ELMO1: variants seen among roughly 807,000 people sequenced by gnomAD.
The protein encoded by ELMO1 is engulfment and cell motility protein 1.
In ELMO1, 26 loss-of-function variants were observed where a neutral mutation model predicts 98.9. The observed-to-expected ratio is 0.26, with a 90% CI of 0.19 to 0.36. ELMO1 has a LOEUF of 0.36. Among genes scored for constraint, ELMO1 ranks in the 10% least tolerant of loss-of-function variants. ELMO1 has a pLI of 1.00. For synonymous variants in ELMO1, 346 were observed against 346.0 expected (o/e 1.00, Z 0.00); for missense variants, 627 against 935.2 (o/e 0.67, Z 4.30).
At chr7:37,172,093 A>G (rs954800785) in intron 13 of ELMO1, among the ~76,000 whole-genome samples, 11 of 152,248 alleles carry the variant, frequency 7.2e-5, no homozygotes, top group Non-Finnish European at 1.3e-4. Flanking sequence ...AGAGCCTCCA[A>G]TGACTATCCT....
At chr7:36,968,960 A>AT in intron 16 of ELMO1, among the ~76,000 whole-genome samples, 1 of 152,160 alleles carries the variant, frequency 6.6e-6, no homozygotes, top group East Asian at 1.9e-4. Flanking sequence ...CACTGTCATC[A>AT]TTTTTGTAAT....
intron 1 of ELMO1, among the ~76,000 whole-genome samples, chr7:37,355,139 G>A (rs1320961166): frequency 1.3e-5 from 2 of 152,174 alleles, no homozygotes. Context: ...TTTTATGAGG[G>A]CTCTGGGGTC....
chr7:36,905,160 G>A (rs186548954), intron 16 of ELMO1, among the ~76,000 whole-genome samples: 1 of 152,330 alleles, frequency 6.6e-6, no homozygotes, highest in East Asian at 1.9e-4. Flanking sequence ...CAACAGGATT[G>A]GGAGAAAATG....
chr7:37,122,557 T>C (rs949917719), intron 14 of ELMO1, among the ~76,000 whole-genome samples: 19 of 152,192 alleles, frequency 1.2e-4, no homozygotes, highest in South Asian at 1.0e-3. Context: ...TACACAATGG[T>C]AAAGGGATCA....
rs187707333 is a variant in ELMO1 at position 36,865,360 on chromosome 7, T to C, written c.1906-3624A>G. ...ACTATAGCTTATTGCTGTCCAGATA[T>C]CTAAGAATTTGAGTTTCTATTTTAG... On this transcript the variant is annotated intron_variant, in intron 20 of 21. Transcript: ENST00000310758. Among the ~76,000 whole-genome samples, 47 of 152,348 alleles carry C rather than the reference T, an allele frequency of 3.1e-4. 1 individual carries two copies. The highest frequency in any genetic ancestry group is 3.0e-3 in the Admixed American group (46 of 15,302).
chr7:37,417,496 TA>T (rs527751936), intron 1 of ELMO1, among the ~76,000 whole-genome samples: 110 of 152,168 alleles, frequency 7.2e-4, no homozygotes, highest in African/African-American at 2.6e-3. Flanking sequence ...CTGCCTCTAC[TA>T]AAAATACAAA....
intron 5 of ELMO1, 177 bp downstream of exon 5, chr7:37,271,655 G>T: frequency 1.6e-6 from 1 of 630,022 alleles, no homozygotes; most frequent in Non-Finnish European, 2.7e-6. Context: ...TTCCTCCTCT[G>T]CAGTGGGAAA....
At chr7:37,274,616 G>A (rs1796727441) in intron 4 of ELMO1, among the ~76,000 whole-genome samples, 4 of 152,258 alleles carry the variant, frequency 2.6e-5, no homozygotes, top group Non-Finnish European at 1.5e-5. Context: ...GCAGTGGCAC[G>A]ATCTGGGCTC....
At position 36,899,684 on chromosome 7, in the gene ELMO1, C is replaced by CTTTTTTTTTTTTTTTTTTTTTTTTT. The variant is rs10522661; in HGVS notation, c.1438-4668_1438-4667insAAAAAAAAAAAAAAAAAAAAAAAAA. Among the ~76,000 whole-genome samples, 447 of 63,644 alleles carry CTTTTTTTTTTTTTTTTTTTTTTTTT rather than the reference C, an allele frequency of 7.0e-3. 150 individuals are homozygous for CTTTTTTTTTTTTTTTTTTTTTTTTT. Among genetic ancestry groups the CTTTTTTTTTTTTTTTTTTTTTTTTT allele is most frequent in the South Asian group, 0.01 (13 of 1,292 alleles). 41.8% of individuals were successfully genotyped at this position (63,644 alleles called of 152,430 possible). On this transcript the variant is annotated intron_variant, in intron 16 of 21. Coordinates refer to ENST00000310758, the MANE Select transcript of ELMO1 (RefSeq NM_014800.11). Reference sequence around the variant, plus strand: ...ACTCATTTTTACTATCTTTACTCATCTTTTTTTTTTTTTTTTACCACTCCT... The same window carrying CTTTTTTTTTTTTTTTTTTTTTTTTT: ...ACTCATTTTTACTATCTTTACTCATCTTTTTTTTTTTTTTTTTTTTTTTTTTTTTTTTTTTTTTTTTACCACTCCT...
intron 16 of ELMO1, among the ~76,000 whole-genome samples, chr7:36,913,627 A>G (rs375878152): frequency 2.0e-5 from 3 of 152,364 alleles, no homozygotes; most frequent in African/African-American, 7.2e-5. Context: ...CAAAGCCTGA[A>G]CATGTGTTCT....
intron 9 of ELMO1, among the ~76,000 whole-genome samples, chr7:37,223,792 T>A (rs1793723323): frequency 6.6e-6 from 1 of 152,206 alleles, no homozygotes; most frequent in South Asian, 2.1e-4. Context: ...GTGACTTAAA[T>A]TTTAAATGTT....
At chr7:37,174,656 T>C (rs552099747) in intron 13 of ELMO1, among the ~76,000 whole-genome samples, 2 of 152,274 alleles carry the variant, frequency 1.3e-5, no homozygotes, top group African/African-American at 4.8e-5. Flanking sequence ...CTAGGTCCCA[T>C]GGGTACAACA....
intron 13 of ELMO1, among the ~76,000 whole-genome samples, chr7:37,194,691 C>T (rs1405199874): frequency 1.3e-5 from 2 of 152,192 alleles, no homozygotes; most frequent in South Asian, 4.1e-4. Context: ...ACCCACGCTC[C>T]TCCTCCTCCC....
intron 13 of ELMO1, among the ~76,000 whole-genome samples, chr7:37,186,731 G>C (rs780519029): frequency 6.6e-5 from 10 of 152,246 alleles, no homozygotes; most frequent in Middle Eastern, 6.8e-3. Context: ...TTAGCCATCT[G>C]GTAAATGCAA....
At chr7:37,255,739 C>A (rs190842550) in intron 6 of ELMO1, among the ~76,000 whole-genome samples, 1 of 152,314 alleles carries the variant, frequency 6.6e-6, no homozygotes, top group African/African-American at 2.4e-5. Context: ...TGTGGCAGAA[C>A]CAACTCATAT....
At chr7:37,345,761 A>G (rs11767350) in intron 1 of ELMO1, among the ~76,000 whole-genome samples, 56,348 of 151,548 alleles carry the variant, frequency 0.37, 10,836 homozygotes, top group Non-Finnish European at 0.42. Flanking sequence ...AGGCCGAGGC[A>G]GGCAGATCAC....
intron 15 of ELMO1, among the ~76,000 whole-genome samples, chr7:37,049,246 A>T (rs1430949319): frequency 6.6e-6 from 1 of 152,106 alleles, no homozygotes; most frequent in Non-Finnish European, 1.5e-5. Flanking sequence ...GCAACCGAGC[A>T]GGGACAGTGC....
chr7:37,261,585 G>A (rs1309373369), intron 5 of ELMO1, among the ~76,000 whole-genome samples: 1 of 152,078 alleles, frequency 6.6e-6, no homozygotes, highest in Non-Finnish European at 1.5e-5. Flanking sequence ...GATAGAATGA[G>A]CAGCTCTGAT....
chr7:36,878,559 G>C (rs1272568051), intron 18 of ELMO1, among the ~76,000 whole-genome samples: 2 of 152,162 alleles, frequency 1.3e-5, no homozygotes, highest in Non-Finnish European at 2.9e-5. Context: ...TTGTGTCCAA[G>C]GCCAGATTTT....
Sources: allele counts gnomAD v4.1 joint callset (sites outside exome capture counted in the v4.1 genomes callset), GRCh38; gene constraint gnomAD v4.1.1; transcripts MANE v1.5; gene names NCBI Gene and HGNC (gene_info 2026-07-23, HGNC 2026-07-21).